The following ANGPT2 variants were observed in gnomAD, a reference collection of about 807,000 sequenced individuals.
ANGPT2 encodes the protein angiopoietin 2.
In ANGPT2, 28 loss-of-function variants were observed where a neutral mutation model predicts 62.9. That is an observed-to-expected ratio of 0.44 (90% confidence interval 0.33 to 0.61). ANGPT2 has a LOEUF of 0.61. ANGPT2 is among the 20% of genes least tolerant of loss of function. The probability of loss-of-function intolerance (pLI) is 0.03; values close to 1 mark genes in which losing one functional copy is unlikely to be tolerated. For missense variants in ANGPT2, 727 were observed against 594.9 expected, an observed-to-expected ratio of 1.22 and a Z score of -2.31; for synonymous variants, 284 against 207.8, an observed-to-expected ratio of 1.37 and a Z score of -3.15.
At chr8:6,516,758 T>A (rs998926468) in intron 5 of ANGPT2, among the ~76,000 whole-genome samples, 8 of 152,246 alleles carry the variant, frequency 5.3e-5, no homozygotes, top group African/African-American at 1.9e-4. Flanking sequence ...GAGCCTATCC[T>A]TGTTCCAAGA....
chr8:6,505,329 A>G (rs1813238571), intron 8 of ANGPT2, among the ~76,000 whole-genome samples: 9 of 56,262 alleles, frequency 1.6e-4, no homozygotes, highest in Admixed American at 1.7e-4. Context: ...TGTTATATAC[A>G]TATAGAAAGA....
chr8:6,541,354 G>C (rs533233861), intron 1 of ANGPT2, among the ~76,000 whole-genome samples: 1 of 152,310 alleles, frequency 6.6e-6, no homozygotes, highest in East Asian at 1.9e-4. Flanking sequence ...GGGTAACTCG[G>C]GGCCACGTGG....
Position 6,502,893 on chromosome 8 carries a change from T to A in ANGPT2, c.*208A>T. ...TGTTCTGTCTAATCACAATTATGGATGTTTAGGGTCTTGCTTTGGTCCGTT... is the reference window on the plus strand; with the variant it reads ...TGTTCTGTCTAATCACAATTATGGAAGTTTAGGGTCTTGCTTTGGTCCGTT... On this transcript the variant is annotated 3_prime_UTR_variant, in exon 9 of 9. Coordinates refer to ENST00000629816, the MANE Select transcript of ANGPT2 (RefSeq NM_001118887.2). 1.8e-6 allele frequency: 1 copy of A among 555,274 alleles called. No homozygotes were observed. The highest frequency in any genetic ancestry group is 2.6e-5 in the South Asian group (1 of 38,632). The allele number at this position is 555,274 out of a possible 1,614,324, so 34.4% of individuals were successfully genotyped here. A position where few individuals can be genotyped will look rare whatever the true frequency, so the allele number is the denominator to read the frequency against.
intron 2 of ANGPT2, among the ~76,000 whole-genome samples, chr8:6,529,057 T>C (rs1818939117): frequency 6.6e-6 from 1 of 152,228 alleles, no homozygotes; most frequent in Non-Finnish European, 1.5e-5. Flanking sequence ...ATAAGGGTTA[T>C]AACATGAGTA....
chr8:6,501,485 A>G lies in ANGPT2; in HGVS notation c.*1616T>C, dbSNP rs1812166178. The G allele has an allele frequency of 6.6e-6, 1 of 152,110 alleles. No homozygotes were observed. The highest frequency in any genetic ancestry group is 1.9e-4 in the East Asian group (1 of 5,202). 9.4% of individuals were successfully genotyped at this position (152,110 alleles called of 1,614,324 possible). On this transcript the variant is annotated 3_prime_UTR_variant, in exon 9 of 9. Transcript: ENST00000629816. ...TACTATGAAAATTTCAAAAGGAGTTAAAACTCCAGGAGTTTATGGTTTTGT... is the reference window on the plus strand; with the variant it reads ...TACTATGAAAATTTCAAAAGGAGTTGAAACTCCAGGAGTTTATGGTTTTGT...
At chr8:6,515,042 G>A (rs1362600081) in intron 5 of ANGPT2, among the ~76,000 whole-genome samples, 1 of 152,186 alleles carries the variant, frequency 6.6e-6, no homozygotes, top group Non-Finnish European at 1.5e-5. Flanking sequence ...GTCATCATCT[G>A]TTCCAGGCTA....
chr8:6,555,104 C>T (rs2515501), intron 1 of ANGPT2, among the ~76,000 whole-genome samples: 14,173 of 152,106 alleles, frequency 0.093, 891 homozygotes, highest in Non-Finnish European at 0.14. Context: ...AAACCACTAC[C>T]CATGATTTTT....
intron 1 of ANGPT2, among the ~76,000 whole-genome samples, chr8:6,553,891 C>T (rs74755210): frequency 4.5e-4 from 69 of 152,154 alleles, no homozygotes; most frequent in East Asian, 3.9e-3. Flanking sequence ...GGCGTATTTT[C>T]GCCTTTTGCT....
chr8:6,503,072 G>T lies in ANGPT2; in HGVS notation c.*29C>A, dbSNP rs199802577. On this transcript the variant is annotated 3_prime_UTR_variant, in exon 9 of 9. Transcript: ENST00000629816. ...GGGCTTAAGTCTTTGAAAATAGTTC[G>T]AGACAGTTCCTCAGGTGGACTGGGA... 1.2e-5 allele frequency: 20 copies of T among 1,613,392 alleles called. No homozygotes were observed. The highest frequency in any genetic ancestry group is 1.4e-5 in the Non-Finnish European group (17 of 1,179,620).
intron 5 of ANGPT2, among the ~76,000 whole-genome samples, chr8:6,519,315 A>G (rs556948628): frequency 6.6e-6 from 1 of 152,300 alleles, no homozygotes; most frequent in African/African-American, 2.4e-5. Flanking sequence ...GTTTGCTCAG[A>G]TAGAGCAAAA....
chr8:6,522,063 A>T (rs56405992), intron 3 of ANGPT2, among the ~76,000 whole-genome samples: 17,464 of 152,190 alleles, frequency 0.11, 1,144 homozygotes, highest in African/African-American at 0.18. Flanking sequence ...GGGTTTTAAA[A>T]TGTAAATGCT....
In ANGPT2 at chr8:6,523,344, G is replaced by GT. The variant is rs550666519; in HGVS notation, c.567-1935dup. Among the ~76,000 whole-genome samples the GT allele has an allele frequency of 2.6e-5, 4 of 152,274 alleles. No homozygotes were observed. In the South Asian group the frequency reaches 8.3e-4, roughly 32 times the overall value. ...TAGAGAGCTGGTAAAATTATGCCATGTAAGTCCTAAGATACTTTATTAATG... is the reference window on the plus strand; with the variant it reads ...TAGAGAGCTGGTAAAATTATGCCATGTTAAGTCCTAAGATACTTTATTAATG... On this transcript the variant is annotated intron_variant, in intron 3 of 8. Coordinates refer to ENST00000629816, the MANE Select transcript of ANGPT2 (RefSeq NM_001118887.2).
intron 1 of ANGPT2, among the ~76,000 whole-genome samples, chr8:6,536,970 A>G (rs1407319442): frequency 2.1e-5 from 3 of 141,334 alleles, no homozygotes; most frequent in African/African-American, 8.2e-5. Context: ...GTCTTAGTAC[A>G]AGAAAAAAAA....
chr8:6,525,984 G>A (rs1818250972), intron 3 of ANGPT2, among the ~76,000 whole-genome samples: 1 of 151,998 alleles, frequency 6.6e-6, no homozygotes, highest in Admixed American at 6.5e-5. Flanking sequence ...TCAGTATTAG[G>A]GTATGTTCTA....
chr8:6,521,325 C>T lies in ANGPT2; in HGVS notation c.652G>A (p.Val218Met). Residue 218 changes from valine to methionine, a missense_variant, in exon 4 of 9, where the codon GTG becomes ATG. Physicochemically the swap from Val to Met is conservative, Grantham distance 21. Transcript: ENST00000629816. ...SIKEEKDQLQVLVSKQNSIIE... is the reference protein window; with the variant it reads ...SIKEEKDQLQMLVSKQNSIIE... ...ATGGAATTTTGCTTGGATACTAACA[C>T]CTGTAGCTGATCTTTCTCTTCTTTT... 6.2e-7 allele frequency: 1 copy of T among 1,613,732 alleles called. No homozygotes were observed.
At chr8:6,530,751 C>T (rs942979328) in intron 2 of ANGPT2, among the ~76,000 whole-genome samples, 5 of 152,062 alleles carry the variant, frequency 3.3e-5, no homozygotes, top group Non-Finnish European at 5.9e-5. Flanking sequence ...ATTCTATTCT[C>T]TTATCTGTAA....
At chr8:6,516,874 G>A (rs1303875238) in intron 5 of ANGPT2, among the ~76,000 whole-genome samples, 1 of 152,130 alleles carries the variant, frequency 6.6e-6, no homozygotes, top group African/African-American at 2.4e-5. Flanking sequence ...GGAAGTCAGA[G>A]GCAAAACTCT....
chr8:6,533,267 A>C (rs1418200194), intron 1 of ANGPT2, among the ~76,000 whole-genome samples: 2 of 152,252 alleles, frequency 1.3e-5, no homozygotes, highest in Non-Finnish European at 2.9e-5. Flanking sequence ...CAAGAGAAGG[A>C]AGAAGCTCAT....
chr8:6,509,776 G>A (rs1343024235), intron 7 of ANGPT2, among the ~76,000 whole-genome samples: 1 of 152,180 alleles, frequency 6.6e-6, no homozygotes, highest in Non-Finnish European at 1.5e-5. Context: ...TCATAGCTTA[G>A]CTCTAGCCTT....
Sources: gnomAD v4.1 joint callset for allele counts (sites outside exome capture counted in the v4.1 genomes callset) on GRCh38, gnomAD v4.1.1 for gene constraint, MANE v1.5 for transcripts, NCBI Gene and HGNC (gene_info 2026-07-23, HGNC 2026-07-21) for gene names.